PAPOLA: variants seen among roughly 807,000 people sequenced by gnomAD.
PAPOLA encodes the protein poly(A) polymerase alpha, also known as polynucleotide adenylyltransferase alpha.
A neutral mutation model predicts 100.6 loss-of-function variants in PAPOLA; 15 were observed. The observed-to-expected ratio is 0.15, with a 90% CI of 0.10 to 0.23. The LOEUF (loss-of-function observed/expected upper bound fraction) is 0.23. Among genes scored for constraint, PAPOLA ranks in the 10% least tolerant of loss-of-function variants. The pLI, the probability that PAPOLA is intolerant of heterozygous loss-of-function variation, is 1.00. For synonymous variants in PAPOLA, 293 were observed against 300.0 expected (o/e 0.98, Z 0.24); for missense variants, 533 against 884.2 (o/e 0.60, Z 5.04).
intron 11 of PAPOLA, 46 bp downstream of exon 11, chr14:96,536,045 G>A (rs748589496): frequency 1.6e-5 from 23 of 1,449,822 alleles, no homozygotes; most frequent in Middle Eastern, 3.6e-4. Context: ...AAGGATTTAC[G>A]TACCATTGTA....
rs1201937757 is a variant in PAPOLA at position 96,542,858 on chromosome 14, C to T, written c.1254C>T (p.Pro418=). Residue 418 remains proline, a synonymous_variant, in exon 14 of 22, where the codon CCC becomes CCT. Transcript: ENST00000216277. The part of the protein sequence containing the change: ...NEFITLAHVN[P]QSFPAPKENP... ...TTATTACACTGGCTCATGTGAATCCCCAGTCATTTCCAGCACCCAAAGAAA... is the reference window on the plus strand; with the variant it reads ...TTATTACACTGGCTCATGTGAATCCTCAGTCATTTCCAGCACCCAAAGAAA... 5 of 1,611,944 alleles carry T rather than the reference C, an allele frequency of 3.1e-6. No homozygotes were observed. The South Asian group carries it at 4.4e-5, about 14-fold the overall frequency.
chr14:96,509,965 C>CTTT (rs11372552), intron 1 of PAPOLA, among the ~76,000 whole-genome samples: 9,632 of 83,956 alleles, frequency 0.11, 512 homozygotes, highest in South Asian at 0.23. Flanking sequence ...GTGGGAGTTG[C>CTTT]TTTTTTTTTT....
chr14:96,511,102 G>A (rs758110871), intron 1 of PAPOLA, among the ~76,000 whole-genome samples: 5 of 152,148 alleles, frequency 3.3e-5, no homozygotes, highest in African/African-American at 7.2e-5. Context: ...AGCAAGTTTG[G>A]CTTTCAGTTT....
chr14:96,512,592 G>T (rs532552756), intron 1 of PAPOLA, among the ~76,000 whole-genome samples: 2 of 152,246 alleles, frequency 1.3e-5, no homozygotes, highest in East Asian at 1.9e-4. Flanking sequence ...TAATACGTGG[G>T]TTATGTTGAA....
intron 3 of PAPOLA, 36 bp downstream of exon 3, chr14:96,521,108 A>G (rs369003145): frequency 1.1e-5 from 11 of 969,354 alleles, no homozygotes; most frequent in African/African-American, 4.8e-5. Context: ...ATAATTTCAT[A>G]TATAGCCAAC....
intron 10 of PAPOLA, 121 bp downstream of exon 10, chr14:96,534,684 C>T (rs1179311544): frequency 3.3e-6 from 5 of 1,526,984 alleles, no homozygotes; most frequent in Non-Finnish European, 1.8e-6. Flanking sequence ...CCGTATTACA[C>T]TTTCTTTTAG....
intron 8 of PAPOLA, 45 bp downstream of exon 8, chr14:96,532,465 T>A (rs765762233): frequency 6.2e-7 from 1 of 1,607,192 alleles, no homozygotes; most frequent in Non-Finnish European, 8.5e-7. Flanking sequence ...ATGTTCAAAC[T>A]TTTGTTCAAC....
At chr14:96,533,086 G>A (rs932329363) in intron 9 of PAPOLA, 28 of 977,230 alleles carry the variant, frequency 2.9e-5, no homozygotes, top group South Asian at 2.4e-4. Flanking sequence ...TTAAAGATAC[G>A]AATTTTCATA....
intron 16 of PAPOLA, among the ~76,000 whole-genome samples, 189 bp from the exon 17 acceptor site, chr14:96,552,291 G>T (rs1900905249): frequency 6.6e-6 from 1 of 152,102 alleles, no homozygotes; most frequent in Non-Finnish European, 1.5e-5. Context: ...TAATGTTGAT[G>T]CCTTCTTAGA....
At chr14:96,557,843 G>A (rs1475169534) in intron 19 of PAPOLA, among the ~76,000 whole-genome samples, 1 of 151,046 alleles carries the variant, frequency 6.6e-6, no homozygotes, top group Non-Finnish European at 1.5e-5. Context: ...AACGGGTATT[G>A]TATAGTACTT....
intron 1 of PAPOLA, among the ~76,000 whole-genome samples, chr14:96,517,367 G>A (rs1303466650): frequency 1.3e-5 from 2 of 152,208 alleles, no homozygotes; most frequent in African/African-American, 4.8e-5. Context: ...GAAAATTTAA[G>A]AGTAGATCTC....
intron 21 of PAPOLA, among the ~76,000 whole-genome samples, chr14:96,564,519 A>G (rs764990741): frequency 1.3e-5 from 2 of 152,118 alleles, no homozygotes; most frequent in Non-Finnish European, 2.9e-5. Flanking sequence ...ACAGTGTCAG[A>G]AAATAATAAA....
intron 21 of PAPOLA, among the ~76,000 whole-genome samples, chr14:96,563,132 CT>C (rs1902003772): frequency 1.3e-5 from 2 of 152,266 alleles, no homozygotes; most frequent in South Asian, 4.1e-4. Flanking sequence ...TTATTTGATA[CT>C]GCAAATCATT....
chr14:96,555,305 C>T (rs1478470443), intron 17 of PAPOLA, among the ~76,000 whole-genome samples: 1 of 148,024 alleles, frequency 6.8e-6, no homozygotes, highest in Non-Finnish European at 1.5e-5. Context: ...CAGACTTGAG[C>T]TCAAGCAATC....
At chr14:96,530,992 T>C (rs1462656494) in intron 6 of PAPOLA, among the ~76,000 whole-genome samples, 2 of 151,658 alleles carry the variant, frequency 1.3e-5, no homozygotes, top group Non-Finnish European at 2.9e-5. Context: ...CCACTACACC[T>C]GGCTAATTTT....
intron 14 of PAPOLA, among the ~76,000 whole-genome samples, chr14:96,543,588 G>GTT (rs140731638): frequency 1.6e-4 from 24 of 151,778 alleles, no homozygotes; most frequent in Non-Finnish European, 3.1e-4. Context: ...TTATATAAGA[G>GTT]TTTTTTTACA....
chr14:96,531,769 T>C (rs1899041320), intron 7 of PAPOLA, 183 bp downstream of exon 7: 3 of 1,449,680 alleles, frequency 2.1e-6, no homozygotes, highest in Admixed American at 2.7e-5. Flanking sequence ...CTCTACAGTA[T>C]TTTATACACT....
At chr14:96,517,418 A>G (rs1897554766) in intron 1 of PAPOLA, among the ~76,000 whole-genome samples, 1 of 152,224 alleles carries the variant, frequency 6.6e-6, no homozygotes, top group Admixed American at 6.5e-5. Flanking sequence ...AGGGGTACAC[A>G]GGGAAACTTT....
intron 16 of PAPOLA, among the ~76,000 whole-genome samples, chr14:96,548,312 G>A (rs1199120974): frequency 6.6e-6 from 1 of 152,066 alleles, no homozygotes; most frequent in Non-Finnish European, 1.5e-5. Context: ...AAAAATGAAA[G>A]TCGCTTTTTT....
Sources: gnomAD v4.1 joint callset for allele counts (sites outside exome capture counted in the v4.1 genomes callset) on GRCh38, gnomAD v4.1.1 for gene constraint, MANE v1.5 for transcripts, NCBI Gene and HGNC (gene_info 2026-07-23, HGNC 2026-07-21) for gene names.